Variants in COL4A2 observed in about 807,000 individuals in gnomAD.
The protein encoded by COL4A2 is collagen alpha-2(IV) chain.
Under a neutral mutation model 200.2 loss-of-function variants are expected in COL4A2, and 99 were observed. The observed-to-expected ratio is 0.49, with a 90% CI of 0.42 to 0.58. COL4A2 has a LOEUF of 0.58. COL4A2 is among the 20% of genes least tolerant of loss of function. COL4A2 has a pLI of 0.00. For missense variants in COL4A2, 1,950 were observed against 2,314.1 expected, an observed-to-expected ratio of 0.84 and a Z score of 3.23; for synonymous variants, 897 against 900.6, an observed-to-expected ratio of 1.00 and a Z score of 0.07.
rs150809854 is a variant in COL4A2, at chr13:110,512,137, C to G, written c.5085C>G (p.Ala1695=). 1 of 1,613,410 alleles carries G rather than the reference C, an allele frequency of 6.2e-7. No homozygotes were observed. The highest frequency in any genetic ancestry group is 1.7e-5 in the Admixed American group (1 of 60,020). Residue 1695 remains alanine (A), a synonymous_variant, in exon 48 of 48, where the codon GCC becomes GCG. Coordinates refer to ENST00000360467, the MANE Select transcript of COL4A2 (RefSeq NM_001846.4). ...CGCCCTCCGCCGACACGCTCAAGGC[C>G]GGCCTCATCCGCACACACATCAGCC... ...QGSPSADTLK[A]GLIRTHISRC... is the part of the protein sequence containing the mutation.
intron 47 of COL4A2, among the ~76,000 whole-genome samples, chr13:110,509,245 T>TTATATATATATATATATA (rs374846915): frequency 3.0e-3 from 217 of 71,664 alleles, no homozygotes; most frequent in Non-Finnish European, 4.0e-3. Flanking sequence ...ATTTCATAAA[T>TTATATATATATATATATA]TATATATATA....
intron 4 of COL4A2, among the ~76,000 whole-genome samples, chr13:110,399,671 A>G (rs562937425): frequency 1.5e-4 from 23 of 152,310 alleles, no homozygotes; most frequent in African/African-American, 5.1e-4. Context: ...CTTTTCAAAA[A>G]TTGTCTAAAT....
intron 4 of COL4A2, among the ~76,000 whole-genome samples, chr13:110,365,579 A>T (rs1158289939): frequency 6.6e-6 from 1 of 152,090 alleles, no homozygotes; most frequent in Non-Finnish European, 1.5e-5. Context: ...AGGGCTTCAC[A>T]CCTTGCTCAA....
At chr13:110,325,798 T>C (rs1337046355) in intron 3 of COL4A2, among the ~76,000 whole-genome samples, 1 of 152,098 alleles carries the variant, frequency 6.6e-6, no homozygotes, top group African/African-American at 2.4e-5. Context: ...CTTTTTTTTT[T>C]TTTTAGACGG....
At position 110,452,308 on chromosome 13, in the gene COL4A2, G is replaced by T. The variant is rs371417215; in HGVS notation, c.1339+1854G>T. 3.3e-4 allele frequency among the ~76,000 whole-genome samples: 50 copies of T among 150,924 alleles called. 1 individual carries two copies. The South Asian group carries it at 9.7e-3, about 29-fold the overall frequency. On this transcript the variant is annotated intron_variant, in intron 20 of 47. Transcript: ENST00000360467. ...CCACCGCGCAGCTGGGACCACAGGC[G>T]CCCGCCCTCACGCCCGGCTAATTTT...
chr13:110,397,631 G>A (rs548815161), intron 4 of COL4A2, among the ~76,000 whole-genome samples: 31 of 152,296 alleles, frequency 2.0e-4, no homozygotes, highest in Admixed American at 7.2e-4. Flanking sequence ...CTTGCAAATC[G>A]ATGTAGCAGA....
intron 4 of COL4A2, among the ~76,000 whole-genome samples, chr13:110,421,398 A>C (rs1032225272): frequency 6.6e-6 from 1 of 152,258 alleles, no homozygotes; most frequent in African/African-American, 2.4e-5. Flanking sequence ...GTCTATCCGT[A>C]CAGTGGAATA....
At chr13:110,409,185 A>ACGCACATATACACATG (rs1309560608) in intron 4 of COL4A2, among the ~76,000 whole-genome samples, 1 of 152,146 alleles carries the variant, frequency 6.6e-6, no homozygotes, top group East Asian at 1.9e-4. Context: ...ACACACATAC[A>ACGCACATATACACATG]CGCACATATA....
intron 3 of COL4A2, among the ~76,000 whole-genome samples, chr13:110,344,000 AG>A (rs1414699557): frequency 6.6e-6 from 1 of 152,214 alleles, no homozygotes; most frequent in Non-Finnish European, 1.5e-5. Flanking sequence ...AAGAATACCA[AG>A]AACTGGCATG....
At chr13:110,364,633 A>C (rs1389081816) in intron 4 of COL4A2, among the ~76,000 whole-genome samples, 10 of 152,214 alleles carry the variant, frequency 6.6e-5, no homozygotes, top group Admixed American at 6.5e-4. Context: ...CTTTTTGTGA[A>C]TATATAAGCC....
At chr13:110,377,327 G>A (rs554771184) in intron 4 of COL4A2, among the ~76,000 whole-genome samples, 122 of 152,210 alleles carry the variant, frequency 8.0e-4, no homozygotes, top group Non-Finnish European at 1.5e-3. Context: ...TGTCATTATC[G>A]GCTCATCTGC....
Position 110,502,773 on chromosome 13 carries a change from T to C in COL4A2, c.3878-348T>C, listed in dbSNP as rs1186014488. ...GAGGCCCCTGAAGTCATCAAATTCA[T>C]AGAAACAGAAAGTACAATGGCTGTT... is the stretch of plus-strand genomic sequence containing the variant. On this transcript the variant is annotated intron_variant, in intron 41 of 47. Coordinates refer to ENST00000360467, the MANE Select transcript of COL4A2 (RefSeq NM_001846.4). 2.2e-5 allele frequency: 5 copies of C among 224,346 alleles called. No individual in the cohort carries two copies. The Admixed American group carries it at 2.3e-4, about 10-fold the overall frequency. The allele number at this position is 224,346 out of a possible 1,614,324, so 13.9% of individuals were successfully genotyped here. A position where few individuals can be genotyped will look rare whatever the true frequency, so the allele number is the denominator to read the frequency against.
Position 110,308,134 on chromosome 13 carries a change from G to T in COL4A2, c.99+11G>T. 6.2e-7 allele frequency: 1 copy of T among 1,613,378 alleles called. No individual in the cohort carries two copies. The stretch of plus-strand genomic sequence containing the variant: ...CAGAGCGTCTTGGCGGTAAGTCCTG[G>T]CTCCCGCGCTTGGACTTGCGCGCCC... On this transcript the variant is annotated intron_variant, in intron 3 of 47. Transcript: ENST00000360467.
intron 46 of COL4A2, 125 bp from the exon 47 acceptor site, chr13:110,507,810 T>G: frequency 1.1e-6 from 1 of 940,268 alleles, no homozygotes; most frequent in Non-Finnish European, 1.6e-6. Context: ...CTCCAGTAGG[T>G]GGCTAAACTC....
chr13:110,475,532 T>C (rs576037760), intron 29 of COL4A2, among the ~76,000 whole-genome samples: 114 of 152,354 alleles, frequency 7.5e-4, no homozygotes, highest in African/African-American at 2.7e-3. Flanking sequence ...AGGCTTACTT[T>C]CGATGTCTTA....
intron 4 of COL4A2, among the ~76,000 whole-genome samples, chr13:110,380,684 T>C (rs1479886406): frequency 5.1e-4 from 62 of 121,242 alleles, no homozygotes; most frequent in Middle Eastern, 7.0e-3. Flanking sequence ...TTCACACCCA[T>C]GAGCTCTATG....
Position 110,512,098 on chromosome 13 carries a change from G to A in COL4A2, c.5046G>A (p.Gln1682=), listed in dbSNP as rs749386313. 9 of 1,613,602 alleles carry A rather than the reference G, an allele frequency of 5.6e-6. No individual in the cohort carries two copies. Among genetic ancestry groups the A allele is most frequent in the Middle Eastern group, 1.6e-4 (1 of 6,084 alleles). ...TCTGGCTGACCACCATTCCCGAGCA[G>A]AGCTTCCAGGGCTCGCCCTCCGCCG... ...YSFWLTTIPE[Q]SFQGSPSADT... The change falls in exon 48 of 48, where the codon CAG becomes CAA. Residue 1682 remains glutamine, a synonymous_variant. Transcript: ENST00000360467.
At chr13:110,364,965 GCT>G (rs1338507989) in intron 4 of COL4A2, among the ~76,000 whole-genome samples, 3 of 152,196 alleles carry the variant, frequency 2.0e-5, no homozygotes, top group Non-Finnish European at 4.4e-5. Context: ...GAAGATGACT[GCT>G]CTGTTTACTT....
At chr13:110,416,080 A>C (rs1880030951) in intron 4 of COL4A2, among the ~76,000 whole-genome samples, 1 of 152,246 alleles carries the variant, frequency 6.6e-6, no homozygotes, top group East Asian at 1.9e-4. Flanking sequence ...GTAGCTCAGT[A>C]GTTGCCGCCT....
Sources: allele counts gnomAD v4.1 joint callset (sites outside exome capture counted in the v4.1 genomes callset), GRCh38; gene constraint gnomAD v4.1.1; transcripts MANE v1.5; gene names NCBI Gene and HGNC (gene_info 2026-07-23, HGNC 2026-07-21).